The following ZBTB20 variants were observed in gnomAD, a reference collection of about 807,000 sequenced individuals.
The protein encoded by ZBTB20 is zinc finger and BTB domain-containing protein 20.
In ZBTB20, 9 loss-of-function variants were observed where a neutral mutation model predicts 56.9. That is an observed-to-expected ratio of 0.16 (90% confidence interval 0.10 to 0.28). The LOEUF (loss-of-function observed/expected upper bound fraction) is 0.28, where lower values mean the gene tolerates loss of function less well. Among genes scored for constraint, ZBTB20 ranks in the 10% least tolerant of loss-of-function variants. ZBTB20 has a pLI of 1.00. For missense variants in ZBTB20, 655 were observed against 1,003.0 expected (o/e 0.65, Z 4.69); for synonymous variants, 417 against 420.7 (o/e 0.99, Z 0.11).
At chr3:114,887,079 C>T (rs1345263468) in intron 4 of ZBTB20, among the ~76,000 whole-genome samples, 1 of 152,104 alleles carries the variant, frequency 6.6e-6, no homozygotes, top group Non-Finnish European at 1.5e-5. Flanking sequence ...ACTGTGCTAG[C>T]GCAGGTCTCT....
intron 6 of ZBTB20, among the ~76,000 whole-genome samples, chr3:114,569,422 T>C (rs1364556502): frequency 6.6e-6 from 1 of 152,192 alleles, no homozygotes; most frequent in Admixed American, 6.5e-5. Context: ...CACGAAGTGT[T>C]TGGCAGACAT....
chr3:114,532,395 A>T (rs2047950216), intron 6 of ZBTB20, among the ~76,000 whole-genome samples: 1 of 152,174 alleles, frequency 6.6e-6, no homozygotes, highest in South Asian at 2.1e-4. Context: ...GGTGGAGCCC[A>T]CCACAGTTCG....
Position 114,318,463 on chromosome 3 carries a change from CTCAGGCAGTG to C in ZBTB20, c.*20532_*20541del, listed in dbSNP as rs2078774209. 1 of 152,416 alleles carries C rather than the reference CTCAGGCAGTG, an allele frequency of 6.6e-6. No individual in the cohort carries two copies. The highest frequency in any genetic ancestry group is 2.4e-5 in the African/African-American group (1 of 41,466). 9.4% of individuals were successfully genotyped at this position (152,416 alleles called of 1,614,324 possible). ...TGAAGGAGACAGGAGGCGTGCTCTC[CTCAGGCAGTG>C]TTAGCAGTGTGCTCTCTTGGCAGCC... is the stretch of plus-strand genomic sequence containing the variant. On this transcript the variant is annotated 3_prime_UTR_variant, in exon 12 of 12. Coordinates refer to ENST00000675478, the MANE Select transcript of ZBTB20 (RefSeq NM_001348800.3).
rs72943843 is a variant in ZBTB20, at chr3:115,040,882, G to A, written c.-507+30337C>T. Among the ~76,000 whole-genome samples, 869 of 152,168 alleles carry A rather than the reference G, an allele frequency of 5.7e-3. 12 individuals are homozygous for A. The highest frequency in any genetic ancestry group is 0.019 in the African/African-American group (790 of 41,530). On this transcript the variant is annotated intron_variant, in intron 2 of 11. Coordinates refer to ENST00000675478, the MANE Select transcript of ZBTB20 (RefSeq NM_001348800.3). Reference sequence around the variant, plus strand: ...GGTAAATTAATGGGCACTAGATGGCGGCATAGAGTGCCCAATTCTTCATAA... The same window carrying A: ...GGTAAATTAATGGGCACTAGATGGCAGCATAGAGTGCCCAATTCTTCATAA...
intron 1 of ZBTB20, among the ~76,000 whole-genome samples, chr3:115,118,446 C>A (rs1189428726): frequency 6.6e-6 from 1 of 152,090 alleles, no homozygotes; most frequent in Non-Finnish European, 1.5e-5. Flanking sequence ...AATTTCTTCA[C>A]ATAAACTGTT....
At chr3:114,675,531 A>AT (rs767227789) in intron 6 of ZBTB20, among the ~76,000 whole-genome samples, 14 of 152,160 alleles carry the variant, frequency 9.2e-5, no homozygotes, top group Non-Finnish European at 1.6e-4. Flanking sequence ...TCACAATTAT[A>AT]TTTTACTTGA....
chr3:114,356,689 G>A (rs1266703911), intron 10 of ZBTB20, among the ~76,000 whole-genome samples: 1 of 152,126 alleles, frequency 6.6e-6, no homozygotes, highest in Non-Finnish European at 1.5e-5. Flanking sequence ...GTCATCTCTG[G>A]AGAAAGGGGG....
intron 5 of ZBTB20, among the ~76,000 whole-genome samples, chr3:114,762,188 T>C (rs928609023): frequency 6.6e-6 from 1 of 152,146 alleles, no homozygotes; most frequent in Non-Finnish European, 1.5e-5. Context: ...ATAGAAAAAA[T>C]TCTTGTTTTT....
At chr3:115,052,495 T>C (rs2081591886) in intron 2 of ZBTB20, among the ~76,000 whole-genome samples, 1 of 152,084 alleles carries the variant, frequency 6.6e-6, no homozygotes, top group East Asian at 1.9e-4. Context: ...AGTACTATCT[T>C]GTATACTAAA....
intron 5 of ZBTB20, among the ~76,000 whole-genome samples, chr3:114,744,713 T>C (rs1041088599): frequency 1.4e-4 from 21 of 152,188 alleles, no homozygotes; most frequent in African/African-American, 4.3e-4. Flanking sequence ...CAGACATGAA[T>C]AGAATTTGCA....
At chr3:115,005,026 T>G (rs75985686) in intron 2 of ZBTB20, among the ~76,000 whole-genome samples, 8 of 151,662 alleles carry the variant, frequency 5.3e-5, no homozygotes, top group South Asian at 4.1e-4. Flanking sequence ...TGTGTGTGTG[T>G]GGGCCTGTTT....
At position 114,317,476 on chromosome 3, in the gene ZBTB20, A is replaced by C. The variant is rs1197574891; in HGVS notation, c.*21529T>G. Reference sequence around the variant, plus strand: ...ACCTCATTTTTGAAAAAATCAGAGAAGTCTATGAAATACAATGTTCAGGAA... The same window carrying C: ...ACCTCATTTTTGAAAAAATCAGAGACGTCTATGAAATACAATGTTCAGGAA... On this transcript the variant is annotated 3_prime_UTR_variant, in exon 12 of 12. Transcript: ENST00000675478. 1.3e-5 allele frequency: 2 copies of C among 152,136 alleles called. No individual in the cohort carries two copies. The highest frequency in any genetic ancestry group is 2.9e-5 in the Non-Finnish European group (2 of 68,016). 9.4% of individuals were successfully genotyped at this position (152,136 alleles called of 1,614,324 possible).
At chr3:114,770,593 C>G (rs182431047) in intron 5 of ZBTB20, among the ~76,000 whole-genome samples, 1 of 152,168 alleles carries the variant, frequency 6.6e-6, no homozygotes, top group Admixed American at 6.5e-5. Context: ...GCCTGGGCAA[C>G]TTTTGGTTGT....
intron 5 of ZBTB20, among the ~76,000 whole-genome samples, chr3:114,708,539 G>C (rs991766674): frequency 6.6e-6 from 1 of 152,146 alleles, no homozygotes; most frequent in African/African-American, 2.4e-5. Flanking sequence ...AATTGTGAAA[G>C]ACTGGTAACC....
chr3:114,815,697 A>C (rs2072865874), intron 4 of ZBTB20, among the ~76,000 whole-genome samples: 1 of 152,084 alleles, frequency 6.6e-6, no homozygotes, highest in African/African-American at 2.4e-5. Context: ...GTTTTATTCA[A>C]TCATGTCATA....
chr3:114,612,855 C>T (rs1204267229), intron 6 of ZBTB20, among the ~76,000 whole-genome samples: 1 of 151,686 alleles, frequency 6.6e-6, no homozygotes, highest in Admixed American at 6.6e-5. Flanking sequence ...TATAGTATGC[C>T]GAATATTTTT....
intron 4 of ZBTB20, among the ~76,000 whole-genome samples, chr3:114,894,165 T>A (rs995936743): frequency 6.6e-6 from 1 of 152,204 alleles, no homozygotes; most frequent in Non-Finnish European, 1.5e-5. Context: ...CATTGAATAT[T>A]TACAAGCTAT....
At chr3:114,851,679 A>AT (rs1280051524) in intron 4 of ZBTB20, among the ~76,000 whole-genome samples, 2 of 151,666 alleles carry the variant, frequency 1.3e-5, no homozygotes, top group East Asian at 3.9e-4. Flanking sequence ...TTCTGACTTT[A>AT]TTTTTTTAAT....
chr3:114,894,916 A>G (rs2074809279), intron 4 of ZBTB20, among the ~76,000 whole-genome samples: 1 of 152,296 alleles, frequency 6.6e-6, no homozygotes, highest in Admixed American at 6.5e-5. Context: ...TACATTTGAT[A>G]TTAGGCAGGT....
Sources: gnomAD v4.1 joint callset for allele counts (sites outside exome capture counted in the v4.1 genomes callset) on GRCh38, gnomAD v4.1.1 for gene constraint, MANE v1.5 for transcripts, NCBI Gene and HGNC (gene_info 2026-07-23, HGNC 2026-07-21) for gene names.